The following LAMA2 variants were observed in gnomAD, a reference collection of about 807,000 sequenced individuals.
LAMA2 encodes the protein laminin subunit alpha 2, also known as laminin subunit alpha-2.
In LAMA2, 269 loss-of-function variants were observed where a neutral mutation model predicts 364.8. That is an observed-to-expected ratio of 0.74 (90% confidence interval 0.67 to 0.82). The LOEUF is 0.82. LAMA2 is among the 40% of genes least tolerant of loss of function. The pLI, the probability that LAMA2 is intolerant of heterozygous loss-of-function variation, is 0.00. For missense variants in LAMA2, 3,807 were observed against 3,873.2 expected, an observed-to-expected ratio of 0.98 and a Z score of 0.45; for synonymous variants, 1,379 against 1,370.6, an observed-to-expected ratio of 1.01 and a Z score of -0.14.
chr6:128,920,684 T>A (rs1212343762), intron 1 of LAMA2, among the ~76,000 whole-genome samples: 1 of 151,264 alleles, frequency 6.6e-6, no homozygotes, highest in Admixed American at 6.6e-5. Flanking sequence ...ATATATATAT[T>A]ATATATACAT....
At chr6:129,274,274 TA>T (rs1788144554) in intron 17 of LAMA2, among the ~76,000 whole-genome samples, 1 of 151,942 alleles carries the variant, frequency 6.6e-6, no homozygotes, top group Non-Finnish European at 1.5e-5. Flanking sequence ...ACAAGACACT[TA>T]ATGACCTAGG....
intron 37 of LAMA2, among the ~76,000 whole-genome samples, chr6:129,394,261 A>C (rs1474854476): frequency 6.6e-6 from 1 of 152,206 alleles, no homozygotes; most frequent in Non-Finnish European, 1.5e-5. Context: ...TACATCTTCT[A>C]ACACATAATT....
chr6:129,423,495 G>T (rs984255155), intron 40 of LAMA2, among the ~76,000 whole-genome samples: 1 of 151,996 alleles, frequency 6.6e-6, no homozygotes, highest in Admixed American at 6.6e-5. Flanking sequence ...TTTGAGACTA[G>T]CTGGGCAACA....
chr6:129,303,643 G>A (rs1773682408), intron 22 of LAMA2, among the ~76,000 whole-genome samples: 1 of 152,112 alleles, frequency 6.6e-6, no homozygotes, highest in Admixed American at 6.6e-5. Flanking sequence ...TTTGTTAAAT[G>A]ACTTTTCTGC....
chr6:129,180,456 T>G (rs1780864196), intron 10 of LAMA2, among the ~76,000 whole-genome samples: 1 of 151,866 alleles, frequency 6.6e-6, no homozygotes, highest in Non-Finnish European at 1.5e-5. Context: ...AACATATGAG[T>G]TTTTAAATAG....
intron 1 of LAMA2, among the ~76,000 whole-genome samples, chr6:128,920,744 T>C (rs2114485600): frequency 6.6e-6 from 1 of 151,784 alleles, no homozygotes; most frequent in East Asian, 1.9e-4. Context: ...AGAGTATGTG[T>C]GTGCACATGT....
intron 12 of LAMA2, among the ~76,000 whole-genome samples, chr6:129,240,206 A>G (rs1785305404): frequency 6.6e-6 from 1 of 152,184 alleles, no homozygotes; most frequent in South Asian, 2.1e-4. Context: ...GCTTTATCCT[A>G]GCCACGCTGG....
chr6:129,052,413 G>T (rs1788135827), intron 2 of LAMA2, among the ~76,000 whole-genome samples: 1 of 151,506 alleles, frequency 6.6e-6, no homozygotes, highest in African/African-American at 2.4e-5. Flanking sequence ...CTCCCAAAGT[G>T]CTGGGATTAC....
intron 7 of LAMA2, among the ~76,000 whole-genome samples, chr6:129,152,165 A>G (rs1778846163): frequency 6.6e-6 from 1 of 152,224 alleles, no homozygotes; most frequent in Non-Finnish European, 1.5e-5. Context: ...ATGACATATA[A>G]CTTTGTAAAA....
intron 12 of LAMA2, among the ~76,000 whole-genome samples, chr6:129,209,519 A>G (rs1196202007): frequency 6.6e-6 from 1 of 152,216 alleles, no homozygotes; most frequent in Non-Finnish European, 1.5e-5. Context: ...AAAACTCAGC[A>G]AGGATGAGGT....
rs773544474 is a variant in LAMA2, at chr6:129,387,252, C to T, written c.5071+4019C>T. On this transcript the variant is annotated intron_variant, in intron 35 of 64. Transcript: ENST00000421865. ...ACCTGTGCCATGGTGGTTTGCTGCA[C>T]CTATCAACCCATCAAAAGAAGACAT... 8.9e-4 allele frequency among the ~76,000 whole-genome samples: 136 copies of T among 152,122 alleles called. 4 individuals carry two copies. Among genetic ancestry groups the T allele is most frequent in the Non-Finnish European group, 2.6e-4 (18 of 67,988 alleles).
At chr6:128,959,498 T>C (rs1781349919) in intron 1 of LAMA2, among the ~76,000 whole-genome samples, 1 of 152,180 alleles carries the variant, frequency 6.6e-6, no homozygotes, top group Non-Finnish European at 1.5e-5. Flanking sequence ...CCTTACTCTA[T>C]GAACCCCAGG....
chr6:129,046,873 T>C (rs4490684), intron 1 of LAMA2, among the ~76,000 whole-genome samples: 1 of 152,120 alleles, frequency 6.6e-6, no homozygotes, highest in African/African-American at 2.4e-5. Context: ...AAAATTCAGC[T>C]CAAGATTACT....
At chr6:128,958,447 T>C (rs1429652030) in intron 1 of LAMA2, among the ~76,000 whole-genome samples, 2 of 152,164 alleles carry the variant, frequency 1.3e-5, no homozygotes, top group African/African-American at 2.4e-5. Flanking sequence ...ACTCATACAG[T>C]CGAAACCCTA....
At chr6:129,461,956 T>C (rs1783275668) in intron 49 of LAMA2, among the ~76,000 whole-genome samples, 1 of 151,968 alleles carries the variant, frequency 6.6e-6, no homozygotes, top group African/African-American at 2.4e-5. Flanking sequence ...ATTTGGAGTA[T>C]ACTACAATTA....
At chr6:129,457,134 C>A (rs1783008799) in intron 48 of LAMA2, among the ~76,000 whole-genome samples, 2 of 152,052 alleles carry the variant, frequency 1.3e-5, no homozygotes, top group Admixed American at 1.3e-4. Flanking sequence ...TAATCCTGGG[C>A]TTGTCAGAAT....
intron 1 of LAMA2, among the ~76,000 whole-genome samples, chr6:129,026,872 G>T (rs1026543320): frequency 6.6e-6 from 1 of 152,090 alleles, no homozygotes; most frequent in Non-Finnish European, 1.5e-5. Context: ...ATTTTTGTGT[G>T]TAAGTTCTCA....
chr6:128,926,852 T>C (rs1359859335), intron 1 of LAMA2, among the ~76,000 whole-genome samples: 1 of 152,244 alleles, frequency 6.6e-6, no homozygotes, highest in Non-Finnish European at 1.5e-5. Context: ...GTAGTATTAT[T>C]GGTAACATTG....
In LAMA2 at chr6:129,366,278, G is replaced by C. The variant is rs1777770421; in HGVS notation, c.4777G>C (p.Val1593Leu). 6.2e-7 allele frequency: 1 copy of C among 1,613,776 alleles called. No individual in the cohort carries two copies. The change falls in exon 33 of 65, where the codon GTC becomes CTC. Residue 1593 changes from valine (V) to leucine (L), a missense_variant. Val to Leu is a conservative substitution (Grantham distance 32). Around this residue, in one of 3 missense-constraint regions of LAMA2, gnomAD observed 3,333 missense variants for 3,345.7 expected, o/e 1.00. Transcript: ENST00000421865. ...TGACTTGGCTCGCCTGGAGCAGATG[G>C]TCATGAGCATCAACCTCACTGGTCC... is the stretch of plus-strand genomic sequence containing the variant. ...LGDLARLEQM[V>L]MSINLTGPLP...
Sources: gnomAD v4.1 joint callset for allele counts (sites outside exome capture counted in the v4.1 genomes callset) on GRCh38, gnomAD v4.1.1 for gene constraint, gnomAD v4.1.1 regional missense constraint, MANE v1.5 for transcripts, NCBI Gene and HGNC (gene_info 2026-07-23, HGNC 2026-07-21) for gene names.